ENOX1: variants seen among roughly 807,000 people sequenced by gnomAD.
ENOX1 encodes ecto-NOX disulfide-thiol exchanger 1, also known as candidate growth-related and time keeping constitutive hydroquinone (NADH) oxidase.
In ENOX1, 42 loss-of-function variants were observed where a neutral mutation model predicts 82.5. That is an observed-to-expected ratio of 0.51 (90% confidence interval 0.40 to 0.66). ENOX1 has a LOEUF of 0.66. Among genes scored for constraint, ENOX1 ranks in the 30% least tolerant of loss-of-function variants. ENOX1 has a pLI of 0.00. For missense variants in ENOX1, 608 were observed against 811.6 expected, an observed-to-expected ratio of 0.75 and a Z score of 3.05; for synonymous variants, 271 against 282.2, an observed-to-expected ratio of 0.96 and a Z score of 0.40.
intron 3 of ENOX1, among the ~76,000 whole-genome samples, chr13:43,450,254 C>G (rs2056887994): frequency 6.6e-6 from 1 of 152,310 alleles, no homozygotes; most frequent in East Asian, 1.9e-4. Flanking sequence ...TGGACACCCT[C>G]ACACCTCTCC....
intron 5 of ENOX1, among the ~76,000 whole-genome samples, chr13:43,387,894 T>C (rs970441847): frequency 6.6e-6 from 1 of 152,132 alleles, no homozygotes; most frequent in Non-Finnish European, 1.5e-5. Flanking sequence ...ATCAGTGGCA[T>C]AGAAATTGCA....
chr13:43,580,351 G>T (rs530833270), intron 2 of ENOX1, among the ~76,000 whole-genome samples: 1 of 152,060 alleles, frequency 6.6e-6, no homozygotes, highest in Non-Finnish European at 1.5e-5. Flanking sequence ...CACTTTTGTC[G>T]CCAACAAGTA....
chr13:43,292,354 G>A (rs2046045944), intron 12 of ENOX1, among the ~76,000 whole-genome samples: 1 of 152,162 alleles, frequency 6.6e-6, no homozygotes, highest in African/African-American at 2.4e-5. Flanking sequence ...GAAGATACTA[G>A]GAAAAAGATG....
At chr13:43,466,997 C>G (rs147638147) in intron 3 of ENOX1, among the ~76,000 whole-genome samples, 1 of 152,100 alleles carries the variant, frequency 6.6e-6, no homozygotes, top group Non-Finnish European at 1.5e-5. Flanking sequence ...CTGCTGCATG[C>G]GTATATCACA....
intron 14 of ENOX1, among the ~76,000 whole-genome samples, chr13:43,258,470 A>G (rs992196765): frequency 2.0e-5 from 3 of 152,192 alleles, no homozygotes; most frequent in Admixed American, 6.5e-5. Flanking sequence ...GGAAGGAAAC[A>G]TTGGCAGGAG....
intron 3 of ENOX1, among the ~76,000 whole-genome samples, chr13:43,473,867 T>C (rs1260578783): frequency 6.6e-6 from 1 of 152,168 alleles, no homozygotes; most frequent in Non-Finnish European, 1.5e-5. Context: ...AATGTCTTAT[T>C]ATTCTTCTCC....
At chr13:43,732,849 A>G (rs1337416999) in intron 1 of ENOX1, among the ~76,000 whole-genome samples, 1 of 152,224 alleles carries the variant, frequency 6.6e-6, no homozygotes, top group East Asian at 1.9e-4. Flanking sequence ...GTAATGCAAG[A>G]CAAAGCAAGT....
At chr13:43,416,966 C>T (rs370776977) in intron 3 of ENOX1, among the ~76,000 whole-genome samples, 47 of 152,242 alleles carry the variant, frequency 3.1e-4, no homozygotes, top group African/African-American at 9.9e-4. Flanking sequence ...CCCAGCACCT[C>T]GGGAGGCCGG....
chr13:43,358,050 C>T (rs1186035673), intron 7 of ENOX1, among the ~76,000 whole-genome samples: 3 of 152,076 alleles, frequency 2.0e-5, no homozygotes, highest in Non-Finnish European at 4.4e-5. Flanking sequence ...TGGGGCAGAC[C>T]AAGGAGCAAT....
At chr13:43,432,763 T>C (rs950236153) in intron 3 of ENOX1, among the ~76,000 whole-genome samples, 3 of 152,240 alleles carry the variant, frequency 2.0e-5, no homozygotes, top group African/African-American at 4.8e-5. Flanking sequence ...ATTGCTTTTG[T>C]GGTTATTATT....
At chr13:43,412,347 G>A (rs1483928127) in intron 4 of ENOX1, among the ~76,000 whole-genome samples, 1 of 152,128 alleles carries the variant, frequency 6.6e-6, no homozygotes, top group Admixed American at 6.6e-5. Flanking sequence ...GTGAAACAAC[G>A]TTAGTTAAGT....
Position 43,290,224 on chromosome 13 carries a change from G to A in ENOX1, c.1446+8122C>T, listed in dbSNP as rs143359640. ...TTCGACCCAGCAAGGCCATTACTGC[G>A]TGTATACGTAAAGGCAAAGAAATCA... is the stretch of plus-strand genomic sequence containing the variant. On this transcript the variant is annotated intron_variant, in intron 12 of 16. Transcript: ENST00000690772. 3.1e-3 allele frequency among the ~76,000 whole-genome samples: 476 copies of A among 152,262 alleles called. 1 individual carries two copies. The highest frequency in any genetic ancestry group is 7.7e-3 in the Admixed American group (117 of 15,288).
At chr13:43,721,507 T>C (rs1204260314) in intron 1 of ENOX1, among the ~76,000 whole-genome samples, 2 of 148,140 alleles carry the variant, frequency 1.4e-5, no homozygotes, top group African/African-American at 5.0e-5. Context: ...GCCTCCCAAG[T>C]AGCTGGGACT....
intron 2 of ENOX1, among the ~76,000 whole-genome samples, chr13:43,634,927 G>A (rs551174302): frequency 6.6e-6 from 1 of 152,328 alleles, no homozygotes; most frequent in Non-Finnish European, 1.5e-5. Context: ...CATGGTGGCT[G>A]TATCTGCTGC....
chr13:43,477,586 T>G (rs2058340548), intron 3 of ENOX1, among the ~76,000 whole-genome samples: 2 of 152,154 alleles, frequency 1.3e-5, no homozygotes, highest in African/African-American at 4.8e-5. Context: ...GAGAAGTCAG[T>G]GGCACTTTTG....
At chr13:43,606,618 G>A (rs1212245391) in intron 2 of ENOX1, among the ~76,000 whole-genome samples, 1 of 152,078 alleles carries the variant, frequency 6.6e-6, no homozygotes, top group African/African-American at 2.4e-5. Flanking sequence ...AATTGATATA[G>A]AGAGTAGAAC....
chr13:43,703,205 C>T (rs1473253409), intron 1 of ENOX1, among the ~76,000 whole-genome samples: 1 of 152,064 alleles, frequency 6.6e-6, no homozygotes, highest in East Asian at 1.9e-4. Flanking sequence ...AACTTTAAAT[C>T]CAGGAGAGGA....
intron 14 of ENOX1, among the ~76,000 whole-genome samples, chr13:43,258,501 G>T (rs916589118): frequency 6.6e-6 from 1 of 152,156 alleles, no homozygotes; most frequent in African/African-American, 2.4e-5. Context: ...ATGTTACAGG[G>T]CTATAACTGG....
chr13:43,465,141 C>G (rs1467893516), intron 3 of ENOX1, among the ~76,000 whole-genome samples: 1 of 152,112 alleles, frequency 6.6e-6, no homozygotes, highest in Non-Finnish European at 1.5e-5. Flanking sequence ...ACTATTTCCC[C>G]TCTTTGGAAG....
Sources: gnomAD v4.1 joint callset for allele counts (sites outside exome capture counted in the v4.1 genomes callset) on GRCh38, gnomAD v4.1.1 for gene constraint, MANE v1.5 for transcripts, NCBI Gene and HGNC (gene_info 2026-07-23, HGNC 2026-07-21) for gene names.